Variants in CALN1 observed in about 807,000 individuals in gnomAD.
The protein encoded by CALN1 is calcium-binding protein 8.
Under a neutral mutation model 30.6 loss-of-function variants are expected in CALN1, and 17 were observed. That is an observed-to-expected ratio of 0.56 (90% CI 0.38 to 0.83). The LOEUF (loss-of-function observed/expected upper bound fraction) is 0.83. Ranked by LOEUF, CALN1 falls within the 40% of genes least tolerant of loss-of-function variation. CALN1 has a pLI of 0.00. For missense variants in CALN1, 291 were observed against 354.9 expected (o/e 0.82, Z 1.45); for synonymous variants, 156 against 131.4 (o/e 1.19, Z -1.28).
chr7:71,942,930 A>C (rs1191123995), intron 5 of CALN1, among the ~76,000 whole-genome samples: 1 of 152,086 alleles, frequency 6.6e-6, no homozygotes, highest in Non-Finnish European at 1.5e-5. Flanking sequence ...AAAAGAATGT[A>C]ACCGTTTGTG....
intron 4 of CALN1, among the ~76,000 whole-genome samples, chr7:72,094,654 T>C (rs1015980014): frequency 6.6e-6 from 1 of 152,180 alleles, no homozygotes; most frequent in African/African-American, 2.4e-5. Context: ...TCAGTGTTAA[T>C]AAGATGGAGA....
chr7:71,873,171 T>C (rs1167956935), intron 5 of CALN1, among the ~76,000 whole-genome samples: 1 of 151,704 alleles, frequency 6.6e-6, no homozygotes, highest in Non-Finnish European at 1.5e-5. Context: ...GCCTGGCTAA[T>C]TTTTTTATTT....
At chr7:72,186,428 A>AT (rs1790192345) in intron 3 of CALN1, among the ~76,000 whole-genome samples, 1 of 151,986 alleles carries the variant, frequency 6.6e-6, no homozygotes, top group Non-Finnish European at 1.5e-5. Context: ...TTTCCTTTGA[A>AT]TTTTTTTAAA....
intron 2 of CALN1, among the ~76,000 whole-genome samples, chr7:72,368,962 C>G (rs1804049388): frequency 6.6e-6 from 1 of 151,106 alleles, no homozygotes; most frequent in African/African-American, 2.4e-5. Flanking sequence ...TTACAGGCAC[C>G]CGCCACCACG....
the CALN1 span, among the ~76,000 whole-genome samples, chr7:72,499,897 CTT>C: frequency 4.7e-4 from 21 of 45,056 alleles, 2 homozygotes; most frequent in East Asian, 1.1e-3. Context: ...TTCTTTCTTT[CTT>C]TCTTTCTTTC....
At chr7:71,824,967 T>C (rs1198043671) in intron 5 of CALN1, among the ~76,000 whole-genome samples, 1 of 152,166 alleles carries the variant, frequency 6.6e-6, no homozygotes, top group Non-Finnish European at 1.5e-5. Context: ...AATACAGTCA[T>C]GTTTTAAGTC....
chr7:72,097,929 G>T (rs1476226729), intron 4 of CALN1, among the ~76,000 whole-genome samples: 3 of 152,046 alleles, frequency 2.0e-5, no homozygotes, highest in Non-Finnish European at 4.4e-5. Context: ...GGCCAGGCCG[G>T]TCTCAAACTC....
In CALN1 at chr7:72,278,798, C is replaced by G. The variant is rs749576958; in HGVS notation, c.132G>C (p.Pro44=). The change falls in exon 3 of 7, where the codon CCG becomes CCC. Residue 44 remains proline (P), a synonymous_variant. Transcript: ENST00000395275. ...ACAAGCCGGCGGTCACATGGTGGAA[C>G]GGCATCTTTTCCCTGCCCAAGAGAG... ...APDFPTWEKM[P]FHHVTAGLLY... 1 of 1,613,148 alleles carries G rather than the reference C, an allele frequency of 6.2e-7. No individual in the cohort carries two copies. The highest frequency in any genetic ancestry group is 8.5e-7 in the Non-Finnish European group (1 of 1,179,278).
At chr7:71,810,242 C>A (rs1224404480) in intron 6 of CALN1, 94 bp downstream of exon 6, 18 of 1,390,252 alleles carry the variant, frequency 1.3e-5, no homozygotes, top group Non-Finnish European at 1.6e-5. Flanking sequence ...GAACATCAGC[C>A]CAAGAGCCTG....
intron 2 of CALN1, among the ~76,000 whole-genome samples, chr7:72,281,224 A>G (rs1273829947): frequency 2.0e-5 from 3 of 151,786 alleles, no homozygotes; most frequent in Admixed American, 1.3e-4. Context: ...CTCTTCTGCT[A>G]CAGGACGACA....
At chr7:71,821,559 A>AGGATTC (rs1462154356) in intron 5 of CALN1, among the ~76,000 whole-genome samples, 1 of 152,126 alleles carries the variant, frequency 6.6e-6, no homozygotes, top group Non-Finnish European at 1.5e-5. Context: ...AACTGCCTCC[A>AGGATTC]GGATTCTATT....
At chr7:72,500,477 C>T in the CALN1 span, among the ~76,000 whole-genome samples, 1 of 151,060 alleles carries the variant, frequency 6.6e-6, no homozygotes, top group South Asian at 2.1e-4. Flanking sequence ...GACAGGGTTT[C>T]ACCTGTTGGC....
chr7:72,067,345 T>C (rs1387712441), intron 4 of CALN1, among the ~76,000 whole-genome samples: 5 of 152,098 alleles, frequency 3.3e-5, no homozygotes, highest in African/African-American at 1.2e-4. Context: ...AGGCTCAAGC[T>C]ATCCTCCTGC....
chr7:72,247,362 C>T (rs1795261211), intron 3 of CALN1, among the ~76,000 whole-genome samples: 1 of 149,304 alleles, frequency 6.7e-6, no homozygotes, highest in Non-Finnish European at 1.5e-5. Flanking sequence ...ATTCTCCTGC[C>T]TCACCCTCCA....
At chr7:72,208,534 C>T (rs552035792) in intron 3 of CALN1, among the ~76,000 whole-genome samples, 1 of 152,324 alleles carries the variant, frequency 6.6e-6, no homozygotes, top group South Asian at 2.1e-4. Flanking sequence ...AACAGTTTAA[C>T]ACTTCATAGG....
the CALN1 span, among the ~76,000 whole-genome samples, chr7:72,492,623 G>A: frequency 6.6e-6 from 1 of 152,352 alleles, no homozygotes; most frequent in East Asian, 1.9e-4. Context: ...GGCTGTGGGG[G>A]CACCATGCCA....
At chr7:72,089,992 A>G (rs896607632) in intron 4 of CALN1, among the ~76,000 whole-genome samples, 2 of 152,214 alleles carry the variant, frequency 1.3e-5, no homozygotes, top group African/African-American at 4.8e-5. Context: ...ATATCAGGTT[A>G]TACTTACTTT....
At chr7:72,450,257 C>T (rs1420531321), upstream of CALN1, among the ~76,000 whole-genome samples, 1 of 152,126 alleles carries the variant, frequency 6.6e-6, no homozygotes, top group Non-Finnish European at 1.5e-5. Flanking sequence ...CAGTTACATG[C>T]AATTTCTTGT....
intron 5 of CALN1, among the ~76,000 whole-genome samples, chr7:71,911,903 G>T (rs1794442761): frequency 6.6e-6 from 1 of 152,094 alleles, no homozygotes; most frequent in African/African-American, 2.4e-5. Context: ...AGGAGCATGG[G>T]TGATCCTTGT....
Sources: gnomAD v4.1 joint callset for allele counts (sites outside exome capture counted in the v4.1 genomes callset) on GRCh38, gnomAD v4.1.1 for gene constraint, MANE v1.5 for transcripts, NCBI Gene and HGNC (gene_info 2026-07-23, HGNC 2026-07-21) for gene names.